FBXO11: variants seen among roughly 807,000 people sequenced by gnomAD.
FBXO11 encodes F-box protein 11, also known as F-box only protein 11.
FBXO11 carries 13 observed loss-of-function variants against 117.0 expected under a neutral mutation model. The ratio of observed to expected loss-of-function variants is 0.11; its 90% CI spans 0.07 to 0.18. The LOEUF (loss-of-function observed/expected upper bound fraction) is 0.18. FBXO11 is among the 10% of genes least tolerant of loss of function. The pLI, the probability that FBXO11 is intolerant of heterozygous loss-of-function variation, is 1.00. For missense variants in FBXO11, 767 were observed against 1,164.4 expected (o/e 0.66, Z 4.97); for synonymous variants, 490 against 380.5 (o/e 1.29, Z -3.35).
intron 11 of FBXO11, among the ~76,000 whole-genome samples, chr2:47,831,298 C>T (rs142049416): frequency 0.053 from 7,966 of 151,540 alleles, 233 homozygotes; most frequent in Non-Finnish European, 0.068. Context: ...TGCCTGTAAT[C>T]CCAGCTACTT....
At chr2:47,886,094 A>C (rs1676822199) in intron 1 of FBXO11, among the ~76,000 whole-genome samples, 1 of 151,886 alleles carries the variant, frequency 6.6e-6, no homozygotes, top group Admixed American at 6.6e-5. Context: ...TTTAAAATGC[A>C]AATATCCCTC....
At chr2:47,808,533 C>A in intron 21 of FBXO11, 106 bp from the exon 22 acceptor site, 1 of 979,794 alleles carries the variant, frequency 1.0e-6, no homozygotes, top group Non-Finnish European at 1.4e-6. Flanking sequence ...AGGACCAAAA[C>A]AAAATTCTTT....
chr2:47,887,973 G>A (rs896365568), intron 1 of FBXO11, among the ~76,000 whole-genome samples: 3 of 151,996 alleles, frequency 2.0e-5, no homozygotes, highest in Admixed American at 6.6e-5. Flanking sequence ...AGTAGTGACT[G>A]TGCCACTGTG....
chr2:47,832,750 A>G lies in FBXO11; in HGVS notation c.1153+19T>C, dbSNP rs778122147. On this transcript the variant is annotated intron_variant, in intron 9 of 22. Transcript: ENST00000403359. ...CAGTGACTCAAAATTTTATTGTAAA[A>G]TATAAAGAAAACACTAACCTGTACA... is the stretch of plus-strand genomic sequence containing the variant. 4.4e-6 allele frequency: 7 copies of G among 1,608,800 alleles called. No homozygotes were observed. In the South Asian group the frequency reaches 7.7e-5, roughly 18 times the overall value.
At position 47,905,626 on chromosome 2, in the gene FBXO11, G is replaced by T. The variant is rs1362227846; in HGVS notation, c.95C>A (p.Pro32Gln). Residue 32 changes from proline (P) to glutamine (Q), a missense_variant, in exon 1 of 23, where the codon CCG becomes CAG. This residue lies in a region of FBXO11 where 355 missense variants were observed against 299.8 expected (regional missense o/e 1.18). Transcript: ENST00000403359. ...QQQQQPPQQPPPQPPQQQPPQ... is the reference protein window; with the variant it reads ...QQQQQPPQQPQPQPPQQQPPQ... ...CGGCTGCTGCTGGGGCGGCTGCGGCGGCGGCTGCTGCGGGGGCTGCTGCTG... is the reference window on the plus strand; with the variant it reads ...CGGCTGCTGCTGGGGCGGCTGCGGCTGCGGCTGCTGCGGGGGCTGCTGCTG... 1.4e-6 allele frequency: 2 copies of T among 1,387,204 alleles called. No homozygotes were observed. The highest frequency in any genetic ancestry group is 1.9e-6 in the Non-Finnish European group (2 of 1,068,518). The allele number at this position is 1,387,204 out of a possible 1,614,324, so 85.9% of individuals were successfully genotyped here.
At chr2:47,869,824 G>A (rs973901920) in intron 1 of FBXO11, among the ~76,000 whole-genome samples, 5 of 152,196 alleles carry the variant, frequency 3.3e-5, no homozygotes, top group African/African-American at 1.2e-4. Context: ...CCTATTAGGT[G>A]GAAGTATGAC....
At chr2:47,895,836 G>C (rs1319162549) in intron 1 of FBXO11, among the ~76,000 whole-genome samples, 1 of 152,070 alleles carries the variant, frequency 6.6e-6, no homozygotes, top group Non-Finnish European at 1.5e-5. Context: ...GGGATTACAG[G>C]CATCTGCCAC....
chr2:47,824,731 G>C (rs1216742939), intron 11 of FBXO11, among the ~76,000 whole-genome samples: 1 of 152,072 alleles, frequency 6.6e-6, no homozygotes, highest in Non-Finnish European at 1.5e-5. Flanking sequence ...ATGAGTGGTG[G>C]AATTATGGAT....
At position 47,834,816 on chromosome 2, in the gene FBXO11, G is replaced by A. The variant is rs1339361171; in HGVS notation, c.773C>T (p.Ala258Val). 6.2e-7 allele frequency: 1 copy of A among 1,613,256 alleles called. No individual in the cohort carries two copies. Among genetic ancestry groups the A allele is most frequent in the Admixed American group, 1.7e-5 (1 of 59,858 alleles). ...GFAEHFYSNP[A>V]RYKGRENMLY... ...CATATTTTCTCTTCCTTTATATCTTGCAGGGTTACTGTAGAAATGTTCAGC... is the reference window on the plus strand; with the variant it reads ...CATATTTTCTCTTCCTTTATATCTTACAGGGTTACTGTAGAAATGTTCAGC... The change falls in exon 6 of 23, where the codon GCA (alanine) becomes GTA (valine). Residue 258 changes from alanine (A) to valine (V), a missense_variant. This residue lies in a region of FBXO11 where 32 missense variants were observed against 48.4 expected (regional missense o/e 0.66). Transcript: ENST00000403359.
At chr2:47,860,309 A>G (rs1674659568) in intron 1 of FBXO11, among the ~76,000 whole-genome samples, 1 of 152,190 alleles carries the variant, frequency 6.6e-6, no homozygotes, top group East Asian at 1.9e-4. Context: ...CAGCCAGGGC[A>G]TGAGAAATTG....
chr2:47,828,441 G>A (rs1474927045), intron 11 of FBXO11, among the ~76,000 whole-genome samples: 1 of 152,050 alleles, frequency 6.6e-6, no homozygotes, highest in Non-Finnish European at 1.5e-5. Context: ...AACCCTGTCT[G>A]TACTAAAAAC....
At chr2:47,871,837 G>A (rs796442269) in intron 1 of FBXO11, among the ~76,000 whole-genome samples, 41 of 152,284 alleles carry the variant, frequency 2.7e-4, no homozygotes, top group African/African-American at 8.2e-4. Flanking sequence ...TTTTTGACAT[G>A]AGCAATGTGC....
chr2:47,844,191 T>G (rs761376267), intron 1 of FBXO11, among the ~76,000 whole-genome samples: 1 of 152,236 alleles, frequency 6.6e-6, no homozygotes, highest in Non-Finnish European at 1.5e-5. Flanking sequence ...CAAGTTTTAC[T>G]GTTTCTTTTT....
chr2:47,834,215 T>C (rs1172399857), intron 7 of FBXO11, among the ~76,000 whole-genome samples: 1 of 152,020 alleles, frequency 6.6e-6, no homozygotes, highest in Non-Finnish European at 1.5e-5. Context: ...CCACGCATGG[T>C]GGTGCATGCC....
At chr2:47,863,055 C>CAAAAAAAAAAAAAAACAA (rs1674904919) in intron 1 of FBXO11, among the ~76,000 whole-genome samples, 1 of 73,956 alleles carries the variant, frequency 1.4e-5, no homozygotes, top group African/African-American at 5.0e-5. Context: ...AACTGTGTCT[C>CAAAAAAAAAAAAAAACAA]AAAAAAAAAA....
chr2:47,868,475 T>G (rs1675366324), intron 1 of FBXO11, among the ~76,000 whole-genome samples: 2 of 152,108 alleles, frequency 1.3e-5, no homozygotes, highest in Admixed American at 1.3e-4. Flanking sequence ...TTTGAGAAAT[T>G]TTCTTGAAAT....
intron 1 of FBXO11, among the ~76,000 whole-genome samples, chr2:47,856,952 G>C (rs1404320623): frequency 6.6e-6 from 1 of 152,188 alleles, no homozygotes; most frequent in East Asian, 1.9e-4. Context: ...GGATGAGTTG[G>C]ATGGTAAGAA....
In FBXO11 at chr2:47,807,913, TA is replaced by T. The variant is rs1194971719; in HGVS notation, c.*204del. On this transcript the variant is annotated 3_prime_UTR_variant, in exon 23 of 23. Transcript: ENST00000403359. ...CCTTCAAGTCTTTACACAGTAATGC[TA>T]AAACACCCAGCTTTGAGATCCTGAG... 1 of 523,144 alleles carries T rather than the reference TA, an allele frequency of 1.9e-6. No homozygotes were observed. The highest frequency in any genetic ancestry group is 1.9e-5 in the African/African-American group (1 of 52,878). 32.4% of individuals were successfully genotyped at this position (523,144 alleles called of 1,614,324 possible). A position where few individuals can be genotyped will look rare whatever the true frequency, so the allele number is the denominator to read the frequency against.
chr2:47,835,764 C>G (rs1476050796), intron 5 of FBXO11, 108 bp downstream of exon 5: 2 of 780,848 alleles, frequency 2.6e-6, no homozygotes, highest in African/African-American at 1.8e-5. Context: ...TCCCAAGGTG[C>G]TGGGATTACA....
Sources: gnomAD v4.1 joint callset for allele counts (sites outside exome capture counted in the v4.1 genomes callset) on GRCh38, gnomAD v4.1.1 for gene constraint, gnomAD v4.1.1 regional missense constraint, MANE v1.5 for transcripts, NCBI Gene and HGNC (gene_info 2026-07-23, HGNC 2026-07-21) for gene names.